Variants in NSUN6 observed in about 807,000 individuals in gnomAD.
NSUN6 encodes the protein NOP2/Sun RNA methyltransferase 6.
A neutral mutation model predicts 58.0 loss-of-function variants in NSUN6; 64 were observed. The ratio of observed to expected loss-of-function variants is 1.10; its 90% CI spans 0.90 to 1.36. The LOEUF is 1.36. Ranked by LOEUF, NSUN6 falls within the 40% of genes most tolerant of loss-of-function variation. NSUN6 has a pLI of 0.00. For synonymous variants in NSUN6, 231 were observed against 193.9 expected, an observed-to-expected ratio of 1.19 and a Z score of -1.59; for missense variants, 701 against 550.1, an observed-to-expected ratio of 1.27 and a Z score of -2.74.
intron 7 of NSUN6, among the ~76,000 whole-genome samples, chr10:18,591,740 G>C (rs1170425749): frequency 6.6e-6 from 1 of 152,152 alleles, no homozygotes; most frequent in Middle Eastern, 3.2e-3. Flanking sequence ...AGCTATTTGT[G>C]ACAAACCCGT....
At chr10:18,558,481 G>A (rs1484609909) in intron 8 of NSUN6, among the ~76,000 whole-genome samples, 1 of 151,214 alleles carries the variant, frequency 6.6e-6, no homozygotes, top group Non-Finnish European at 1.5e-5. Context: ...ATGGAAAAAG[G>A]AATAGAATAT....
intron 3 of NSUN6, among the ~76,000 whole-genome samples, chr10:18,627,565 G>T (rs567511260): frequency 1.3e-5 from 2 of 152,194 alleles, no homozygotes; most frequent in Non-Finnish European, 2.9e-5. Context: ...CACCGTGCCC[G>T]AGCCAAAGCA....
rs201273730 is a variant in NSUN6 at position 18,547,830 on chromosome 10, C to T, written c.1197+282G>A. Among the ~76,000 whole-genome samples, 10 of 152,046 alleles carry T rather than the reference C, an allele frequency of 6.6e-5. No homozygotes were observed. In the East Asian group the frequency reaches 7.7e-4, roughly 12 times the overall value. ...AAAAATCTTTTTAGAAAAAAGGTGC[C>T]GAGTAACATGAATAGCTACAAGGGG... is the stretch of plus-strand genomic sequence containing the variant. On this transcript the variant is annotated intron_variant, in intron 10 of 10. Coordinates refer to ENST00000377304, the MANE Select transcript of NSUN6 (RefSeq NM_182543.5).
At chr10:18,565,965 C>A (rs1303053193) in intron 8 of NSUN6, among the ~76,000 whole-genome samples, 4 of 149,258 alleles carry the variant, frequency 2.7e-5, no homozygotes, top group African/African-American at 9.8e-5. Flanking sequence ...CCATTCCATT[C>A]TCTTCCATTC....
At chr10:18,560,117 G>A (rs1433954445) in intron 8 of NSUN6, among the ~76,000 whole-genome samples, 3 of 149,978 alleles carry the variant, frequency 2.0e-5, no homozygotes, top group East Asian at 4.0e-4. Flanking sequence ...GGAAGGGAAT[G>A]GAATGGAATC....
At chr10:18,581,202 G>A (rs925005487) in intron 8 of NSUN6, among the ~76,000 whole-genome samples, 15 of 152,238 alleles carry the variant, frequency 9.9e-5, no homozygotes, top group African/African-American at 3.6e-4. Context: ...AATGGGGGCT[G>A]GGTAAAATAA....
chr10:18,561,564 T>A (rs1184675445), intron 8 of NSUN6, among the ~76,000 whole-genome samples: 4 of 118,502 alleles, frequency 3.4e-5, no homozygotes, highest in Non-Finnish European at 6.9e-5. Context: ...TGGAATAGAA[T>A]GAAATGAAAT....
Position 18,633,174 on chromosome 10 carries a change from C to T in NSUN6, c.311+9302G>A, listed in dbSNP as rs1218996406. 3.3e-5 allele frequency among the ~76,000 whole-genome samples: 5 copies of T among 150,798 alleles called. No homozygotes were observed. The East Asian group carries it at 7.8e-4, about 24-fold the overall frequency. ...GGCAAGAACAAAAAACCAAACACCG[C>T]ATATTCTCACTCATAGGTGGGAATT... On this transcript the variant is annotated intron_variant, in intron 3 of 10. Coordinates refer to ENST00000377304, the MANE Select transcript of NSUN6 (RefSeq NM_182543.5).
At chr10:18,570,928 A>C (rs1431513704) in intron 8 of NSUN6, among the ~76,000 whole-genome samples, 26 of 143,026 alleles carry the variant, frequency 1.8e-4, no homozygotes, top group Admixed American at 3.5e-4. Flanking sequence ...TTCTACATTC[A>C]ATTACATTCT....
At chr10:18,608,490 A>T (rs1260063827) in intron 6 of NSUN6, among the ~76,000 whole-genome samples, 1 of 151,996 alleles carries the variant, frequency 6.6e-6, no homozygotes, top group East Asian at 1.9e-4. Flanking sequence ...ACAAAAAATT[A>T]GCAGGGTGCG....
At chr10:18,645,673 G>A (rs1023367436) in intron 2 of NSUN6, among the ~76,000 whole-genome samples, 1 of 152,144 alleles carries the variant, frequency 6.6e-6, no homozygotes, top group Non-Finnish European at 1.5e-5. Context: ...ATTATGAGTA[G>A]TGCTGCTATG....
chr10:18,656,950 CT>C (rs1004499981), upstream of NSUN6, among the ~76,000 whole-genome samples: 1 of 150,946 alleles, frequency 6.6e-6, no homozygotes, highest in African/African-American at 2.4e-5. Context: ...CCTCAGCCAC[CT>C]CATTAGTCGG....
intron 8 of NSUN6, among the ~76,000 whole-genome samples, chr10:18,561,286 G>A (rs2055485476): frequency 1.0e-4 from 8 of 78,130 alleles, no homozygotes; most frequent in Non-Finnish European, 1.6e-4. Context: ...AGGATGGTAT[G>A]GAAAATGGAA....
chr10:18,636,690 G>C (rs2059226090), intron 3 of NSUN6, among the ~76,000 whole-genome samples: 1 of 151,928 alleles, frequency 6.6e-6, no homozygotes, highest in East Asian at 1.9e-4. Context: ...TCAGGAGTTC[G>C]AGACCAGCCT....
At chr10:18,628,423 G>A (rs1044452068) in intron 3 of NSUN6, among the ~76,000 whole-genome samples, 2 of 152,220 alleles carry the variant, frequency 1.3e-5, no homozygotes, top group African/African-American at 2.4e-5. Flanking sequence ...TTGAGGAGCT[G>A]AGAGAAGAAG....
chr10:18,650,063 A>G (rs1176432120), intron 1 of NSUN6, among the ~76,000 whole-genome samples: 1 of 152,228 alleles, frequency 6.6e-6, no homozygotes, highest in African/African-American at 2.4e-5. Context: ...GCAACATGGT[A>G]AAGTGGTAGA....
chr10:18,626,490 G>A (rs192174298), intron 3 of NSUN6, among the ~76,000 whole-genome samples: 4 of 152,292 alleles, frequency 2.6e-5, no homozygotes, highest in African/African-American at 7.2e-5. Context: ...TTAATGGGCC[G>A]GACACAGTGG....
intron 8 of NSUN6, among the ~76,000 whole-genome samples, chr10:18,578,873 A>G (rs1327604227): frequency 6.6e-6 from 1 of 151,582 alleles, no homozygotes; most frequent in Non-Finnish European, 1.5e-5. Flanking sequence ...ACCCTCAATC[A>G]TATGTCTTAC....
intron 7 of NSUN6, among the ~76,000 whole-genome samples, chr10:18,595,596 T>C (rs2057553616): frequency 6.6e-6 from 1 of 152,182 alleles, no homozygotes; most frequent in South Asian, 2.1e-4. Flanking sequence ...TTAAATTCTT[T>C]TGGGGCAAAG....
Sources: allele counts gnomAD v4.1 joint callset (sites outside exome capture counted in the v4.1 genomes callset), GRCh38; gene constraint gnomAD v4.1.1; transcripts MANE v1.5; gene names NCBI Gene and HGNC (gene_info 2026-07-23, HGNC 2026-07-21).